CX3CR1: variants seen among roughly 807,000 people sequenced by gnomAD.
CX3CR1 encodes the protein CX3C chemokine receptor 1.
For synonymous variants in CX3CR1, 168 were observed against 178.5 expected, an observed-to-expected ratio of 0.94 and a Z score of 0.47; for missense variants, 363 against 432.4, an observed-to-expected ratio of 0.84 and a Z score of 1.42.
Position 39,265,737 on chromosome 3 carries a change from A to C in CX3CR1, c.773T>G (p.Leu258Arg). The C allele has an allele frequency of 6.2e-7, 1 of 1,614,224 alleles. No homozygotes were observed. The highest frequency in any genetic ancestry group is 1.1e-5 in the South Asian group (1 of 91,088). The change falls in exon 2 of 2, where the codon CTC becomes CGC. Residue 258 changes from leucine (L) to arginine (R), a missense_variant. Transcript: ENST00000399220. The stretch of plus-strand genomic sequence containing the variant: ...GTCACAACTGGGAAAGAAGTCATAG[A>C]GCTTAAGCGTCTCCAGGAAAATCAT... ...NVMIFLETLKLYDFFPSCDMR... is the reference protein window; with the variant it reads ...NVMIFLETLKRYDFFPSCDMR...
At chr3:39,287,487 T>G in the CX3CR1 span, 1 of 152,188 alleles carries the variant, frequency 6.6e-6, no homozygotes, top group Non-Finnish European at 1.5e-5. Flanking sequence ...CATTTCAATT[T>G]AGAAAGAGCC....
upstream of CX3CR1, among the ~76,000 whole-genome samples, chr3:39,284,956 A>G (rs1326503310): frequency 1.3e-5 from 2 of 152,242 alleles, no homozygotes; most frequent in Admixed American, 6.5e-5. Context: ...GTTGCCATTG[A>G]CAAGTCGAAA....
chr3:39,268,171 C>T (rs1026728431), intron 1 of CX3CR1, among the ~76,000 whole-genome samples: 1 of 152,202 alleles, frequency 6.6e-6, no homozygotes, highest in African/African-American at 2.4e-5. Flanking sequence ...TGCTTTGGGG[C>T]CTGCATCTCA....
the CX3CR1 span, among the ~76,000 whole-genome samples, chr3:39,290,402 G>T: frequency 6.6e-6 from 1 of 152,168 alleles, no homozygotes; most frequent in African/African-American, 2.4e-5. Flanking sequence ...TCCAAACATG[G>T]TCACAGTGTG....
chr3:39,275,623 G>C (rs957111751), intron 1 of CX3CR1, among the ~76,000 whole-genome samples: 7 of 152,308 alleles, frequency 4.6e-5, no homozygotes, highest in Middle Eastern at 3.4e-3. Context: ...CCTCTTAGTA[G>C]ATGGCCTATA....
rs1011276990 is a variant in CX3CR1 at position 39,270,874 on chromosome 3, C to A, written c.-9-4356G>T. 2.6e-5 allele frequency among the ~76,000 whole-genome samples: 4 copies of A among 152,248 alleles called. No homozygotes were observed. In the South Asian group the frequency reaches 8.3e-4, roughly 32 times the overall value. On this transcript the variant is annotated intron_variant, in intron 1 of 1. Transcript: ENST00000399220. Reference sequence around the variant, plus strand: ...ATATGAAAAACTAAAAAATGAGTAACTTAGTACAATAACAAGCATGCTGCA... The same window carrying A: ...ATATGAAAAACTAAAAAATGAGTAAATTAGTACAATAACAAGCATGCTGCA...
At chr3:39,269,273 T>C (rs116395001) in intron 1 of CX3CR1, among the ~76,000 whole-genome samples, 1,529 of 152,322 alleles carry the variant, frequency 0.01, 16 homozygotes, top group Non-Finnish European at 0.017. Flanking sequence ...AATAAGCAAC[T>C]GATTGCCTGG....
In CX3CR1 at chr3:39,263,531, A is replaced by G. The variant is rs1187346109; in HGVS notation, c.*1911T>C. On this transcript the variant is annotated 3_prime_UTR_variant, in exon 2 of 2. Coordinates refer to ENST00000399220, the MANE Select transcript of CX3CR1 (RefSeq NM_001337.4). The stretch of plus-strand genomic sequence containing the variant: ...AAAATATGTATTTGCTAAACATTGG[A>G]AACAAGTTAAATGTTTATCAATTGA... The G allele has an allele frequency of 6.6e-6, 1 of 152,266 alleles. No individual in the cohort carries two copies. Among genetic ancestry groups the G allele is most frequent in the Non-Finnish European group, 1.5e-5 (1 of 68,052 alleles). The allele number at this position is 152,266 out of a possible 1,614,324, so 9.4% of individuals were successfully genotyped here. A position where few individuals can be genotyped will look rare whatever the true frequency, so the allele number is the denominator to read the frequency against.
chr3:39,263,943 C>G lies in CX3CR1; in HGVS notation c.*1499G>C, dbSNP rs7636125. ...ATTACAATTGTTTTCGAGCTTTAAA[C>G]TTTTAGATTGTTCCAAACGTTTCTA... is the stretch of plus-strand genomic sequence containing the variant. On this transcript the variant is annotated 3_prime_UTR_variant, in exon 2 of 2. Transcript: ENST00000399220. 142,428 of 152,274 alleles carry G rather than the reference C, an allele frequency of 0.94. 67,366 individuals carry two copies. Among genetic ancestry groups the G allele is most frequent in the East Asian group, 1 (5,186 of 5,186 alleles). The allele number at this position is 152,274 out of a possible 1,614,324, so 9.4% of individuals were successfully genotyped here. A position where few individuals can be genotyped will look rare whatever the true frequency, so the allele number is the denominator to read the frequency against.
chr3:39,283,755 G>C (rs932455760), upstream of CX3CR1, among the ~76,000 whole-genome samples: 2 of 140,220 alleles, frequency 1.4e-5, no homozygotes, highest in Non-Finnish European at 3.1e-5. Flanking sequence ...ACTCCAGCCT[G>C]GGCGAAAGAG....
intron 1 of CX3CR1, among the ~76,000 whole-genome samples, chr3:39,274,702 GTTAA>G (rs2040820153): frequency 6.6e-6 from 1 of 151,856 alleles, no homozygotes; most frequent in Non-Finnish European, 1.5e-5. Flanking sequence ...AGATAGACTT[GTTAA>G]TTGTTTAATT....
At chr3:39,285,670 T>C (rs1187971606), upstream of CX3CR1, among the ~76,000 whole-genome samples, 3 of 152,108 alleles carry the variant, frequency 2.0e-5, no homozygotes, top group African/African-American at 4.8e-5. Flanking sequence ...ACAGTATATG[T>C]CATTTTTTAA....
chr3:39,271,653 C>T (rs140229375), intron 1 of CX3CR1, among the ~76,000 whole-genome samples: 1 of 152,278 alleles, frequency 6.6e-6, no homozygotes, highest in East Asian at 1.9e-4. Flanking sequence ...TAGGGTTTTG[C>T]CTGGTTCTGA....
intron 1 of CX3CR1, among the ~76,000 whole-genome samples, chr3:39,269,114 C>T (rs2040741516): frequency 6.6e-6 from 1 of 151,370 alleles, no homozygotes; most frequent in Non-Finnish European, 1.5e-5. Context: ...GCTCATTGCT[C>T]TGTTTGGATT....
intron 1 of CX3CR1, among the ~76,000 whole-genome samples, chr3:39,268,788 C>T (rs1048023724): frequency 2.0e-5 from 3 of 152,294 alleles, no homozygotes; most frequent in South Asian, 4.1e-4. Flanking sequence ...TCTGTAAGAT[C>T]GGGATTCATT....
upstream of CX3CR1, among the ~76,000 whole-genome samples, chr3:39,285,249 G>A (rs2040936346): frequency 6.6e-6 from 1 of 151,668 alleles, no homozygotes; most frequent in Admixed American, 6.6e-5. Context: ...GGGCATGGTG[G>A]TGCCGACCTG....
upstream of CX3CR1, chr3:39,281,630 A>C (rs1335248980): frequency 6.3e-7 from 1 of 1,599,296 alleles, no homozygotes; most frequent in Non-Finnish European, 8.5e-7. Context: ...TTCTCCACCC[A>C]GAAGCCAGAG....
At chr3:39,284,453 C>T (rs560785325), upstream of CX3CR1, among the ~76,000 whole-genome samples, 2 of 152,284 alleles carry the variant, frequency 1.3e-5, no homozygotes, top group East Asian at 1.9e-4. Context: ...TGAGCCACTG[C>T]GCCCAGACAA....
upstream of CX3CR1, chr3:39,286,582 C>T (rs904525717): frequency 6.5e-5 from 9 of 138,704 alleles, no homozygotes; most frequent in African/African-American, 2.4e-4. Flanking sequence ...ACCCGGGAAG[C>T]GGAGCTTGCA....
Sources: allele counts gnomAD v4.1 joint callset (sites outside exome capture counted in the v4.1 genomes callset), GRCh38; gene constraint gnomAD v4.1.1; transcripts MANE v1.5; gene names NCBI Gene and HGNC (gene_info 2026-07-23, HGNC 2026-07-21).